Variants in ECE1 observed in about 807,000 individuals in gnomAD.
The protein encoded by ECE1 is endothelin converting enzyme 1, also known as endothelin-converting enzyme 1.
ECE1 carries 35 observed loss-of-function variants against 98.6 expected under a neutral mutation model. That is an observed-to-expected ratio of 0.35 (90% CI 0.27 to 0.47). ECE1 has a LOEUF of 0.47. ECE1 is among the 20% of genes least tolerant of loss of function. The pLI is 1.00. For synonymous variants in ECE1, 394 were observed against 407.1 expected (o/e 0.97, Z 0.39); for missense variants, 814 against 1,025.3 (o/e 0.79, Z 2.81).
At chr1:21,330,448 C>G (rs61781578) in intron 1 of ECE1, among the ~76,000 whole-genome samples, 10,900 of 151,892 alleles carry the variant, frequency 0.072, 525 homozygotes, top group Middle Eastern at 0.11. Flanking sequence ...CCAGACTGGT[C>G]TCGAACTCCT....
Position 21,322,567 on chromosome 1 carries a change from T to C in ECE1, c.3+22809A>G, listed in dbSNP as rs1638988337. Among the ~76,000 whole-genome samples, 1 of 152,194 alleles carries C rather than the reference T, an allele frequency of 6.6e-6. No homozygotes were observed. The highest frequency in any genetic ancestry group is 1.5e-5 in the Non-Finnish European group (1 of 68,026). On this transcript the variant is annotated intron_variant, in intron 1 of 18. Coordinates refer to the ECE1 transcript ENST00000415912. This position sits in a 1 kb window ranked among gnomAD's most constrained non-coding sequence, Gnocchi z 4.1. ...GTCACACTCCAGGGCCCCAGGCCTG[T>C]GACCAAAATGGCAGTGCCACTGCTG...
Position 21,307,265 on chromosome 1 carries a change from G to C in ECE1, c.4-17109C>G, listed in dbSNP as rs191094877. ...CACTTTTGCTCTTCACAGCGACTCT[G>C]GGGGGCTGGAGCTAGCATCTCCACA... On this transcript the variant is annotated intron_variant, in intron 1 of 18. Transcript: ENST00000415912. The surrounding 1 kb of genome is among the most constrained non-coding windows in gnomAD (Gnocchi z 4.2). Among the ~76,000 whole-genome samples, 1 of 152,196 alleles carries C rather than the reference G, an allele frequency of 6.6e-6. No individual in the cohort carries two copies. The highest frequency in any genetic ancestry group is 2.4e-5 in the African/African-American group (1 of 41,454).
intron 14 of ECE1, among the ~76,000 whole-genome samples, chr1:21,230,384 C>T (rs958316357): frequency 1.1e-4 from 17 of 152,048 alleles, no homozygotes; most frequent in African/African-American, 3.9e-4. Context: ...GGCAAGAATT[C>T]TCTTTTTTTT....
intron 1 of ECE1, among the ~76,000 whole-genome samples, chr1:21,325,991 G>A (rs748167515): frequency 7.9e-5 from 12 of 152,152 alleles, no homozygotes; most frequent in African/African-American, 1.7e-4. Flanking sequence ...TTTCCACAAC[G>A]GAGCTCCCGG....
chr1:21,226,828 C>T (rs546008934), intron 16 of ECE1, among the ~76,000 whole-genome samples: 99 of 152,268 alleles, frequency 6.5e-4, no homozygotes, highest in South Asian at 1.0e-3. Context: ...CAGATTCAAA[C>T]GATTTTCCTG....
rs150644074 is a variant in ECE1 at position 21,260,338 on chromosome 1, C to A, written c.548G>T (p.Arg183Leu). 1.1e-5 allele frequency: 18 copies of A among 1,614,262 alleles called. No individual in the cohort carries two copies. Among genetic ancestry groups the A allele is most frequent in the Non-Finnish European group, 1.4e-5 (17 of 1,180,056 alleles). Residue 183 changes from arginine (R) to leucine (L), a missense_variant, in exon 5 of 19, where the codon CGT (arginine) becomes CTT (leucine). By Grantham distance (102) the Arg-to-Leu change is moderately radical. Around this residue, in one of 3 missense-constraint regions of ECE1, gnomAD observed 257 missense variants for 278.9 expected, o/e 0.92. Coordinates refer to ENST00000374893, the MANE Select transcript of ECE1 (RefSeq NM_001397.3). This position sits in a 1 kb window ranked among gnomAD's most constrained non-coding sequence, Gnocchi z 4.3. Reference protein sequence around the residue: ...EAERKAQVYYRACMNETRIEE... With the variant: ...EAERKAQVYYLACMNETRIEE... ...GATCCTGGTCTCGTTCATGCACGCA[C>A]GGTAGTATACTTGCGCCTTTCTCTC...
intron 8 of ECE1, among the ~76,000 whole-genome samples, chr1:21,252,592 T>C (rs2098214196): frequency 6.6e-6 from 1 of 152,362 alleles, no homozygotes; most frequent in Non-Finnish European, 1.5e-5. Context: ...GGGAAGGTCC[T>C]CAGGCCCCCA....
intron 4 of ECE1, among the ~76,000 whole-genome samples, chr1:21,270,185 A>G (rs796853068): frequency 4.6e-5 from 7 of 152,370 alleles, no homozygotes; most frequent in African/African-American, 1.4e-4. Flanking sequence ...GACTGGTGGT[A>G]TATCCTTGAC....
chr1:21,303,903 G>T (rs892665136), intron 1 of ECE1, among the ~76,000 whole-genome samples: 1 of 151,774 alleles, frequency 6.6e-6, no homozygotes, highest in Non-Finnish European at 1.5e-5. Context: ...TGCCTGCCTC[G>T]ACCTCCCAAA....
At chr1:21,279,056 G>C (rs1200963076) in intron 3 of ECE1, 135 bp downstream of exon 3, 6 of 1,475,068 alleles carry the variant, frequency 4.1e-6, no homozygotes, top group Non-Finnish European at 5.6e-6. Flanking sequence ...TCAGCACCCA[G>C]ACCCCCCTGG....
At chr1:21,328,764 GAAAAA>G (rs35883969) in intron 1 of ECE1, among the ~76,000 whole-genome samples, 5 of 50,226 alleles carry the variant, frequency 1.0e-4, no homozygotes, top group Non-Finnish European at 2.0e-4. Flanking sequence ...CCTCCATCTC[GAAAAA>G]AAAAAAAAAA....
At chr1:21,283,201 TC>T (rs2098256876) in intron 2 of ECE1, among the ~76,000 whole-genome samples, 2 of 152,166 alleles carry the variant, frequency 1.3e-5, no homozygotes, top group Admixed American at 6.5e-5. Context: ...CGCCTTGGCC[TC>T]CCAAAATGCT....
At position 21,233,540 on chromosome 1, in the gene ECE1, G is replaced by T. The variant is rs758758889; in HGVS notation, c.1670+18C>A. On this transcript the variant is annotated intron_variant, in intron 14 of 18. Transcript: ENST00000374893. This position sits in a 1 kb window ranked among gnomAD's most constrained non-coding sequence, Gnocchi z 4.0. ...GTGGGGAGCTGGCACCTTGCCGGCA[G>T]GGCCTGGGGGAACTCACTGATCTCT... 9 of 1,611,460 alleles carry T rather than the reference G, an allele frequency of 5.6e-6. No individual in the cohort carries two copies.
At chr1:21,264,401 G>A (rs541492313) in intron 4 of ECE1, among the ~76,000 whole-genome samples, 11 of 146,214 alleles carry the variant, frequency 7.5e-5, no homozygotes, top group South Asian at 2.3e-4. Context: ...TGCAACCTCC[G>A]TCTCCTGGGT....
chr1:21,232,288 G>GT (rs1179108389), intron 14 of ECE1, among the ~76,000 whole-genome samples: 1,876 of 147,412 alleles, frequency 0.013, 33 homozygotes, highest in African/African-American at 0.041. Flanking sequence ...TGAGGAGACA[G>GT]TTTTTTTTTT....
chr1:21,227,923 C>A lies in ECE1; in HGVS notation c.1781+8G>T. 1 of 1,550,260 alleles carries A rather than the reference C, an allele frequency of 6.5e-7. No homozygotes were observed. Among genetic ancestry groups the A allele is most frequent in the East Asian group, 2.4e-5 (1 of 40,898 alleles). On this transcript the variant is annotated splice_region_variant and intron_variant, in intron 15 of 18. Coordinates refer to ENST00000374893, the MANE Select transcript of ECE1 (RefSeq NM_001397.3). ...AGAATTGGGGTAGGGGCCCCAGAGG[C>A]AGCCTACTTGGGTGAGGAGCGTGTG...
At chr1:21,249,614 C>G (rs139475111) in intron 8 of ECE1, among the ~76,000 whole-genome samples, 1 of 151,828 alleles carries the variant, frequency 6.6e-6, no homozygotes, top group African/African-American at 2.4e-5. Context: ...CCTGGGAGGT[C>G]GAGGCTGCAG....
chr1:21,242,994 T>C (rs1314244080), intron 10 of ECE1, among the ~76,000 whole-genome samples: 6 of 152,236 alleles, frequency 3.9e-5, no homozygotes, highest in African/African-American at 1.4e-4. Flanking sequence ...CATTAAACAA[T>C]AATTCCTCAT....
Position 21,218,233 on chromosome 1 carries a change from C to G in ECE1, c.*1722G>C, listed in dbSNP as rs572824728. The stretch of plus-strand genomic sequence containing the variant: ...AGCTGCAAGTACTATCTTGATTCAA[C>G]CCAGGGGCCGACAATGGACTGCAGC... On this transcript the variant is annotated 3_prime_UTR_variant, in exon 19 of 19. Coordinates refer to ENST00000374893, the MANE Select transcript of ECE1 (RefSeq NM_001397.3). This position sits in a 1 kb window ranked among gnomAD's most constrained non-coding sequence, Gnocchi z 4.0. 1.8e-4 allele frequency: 28 copies of G among 152,440 alleles called. No individual in the cohort carries two copies. The highest frequency in any genetic ancestry group is 6.5e-4 in the African/African-American group (27 of 41,588). The allele number at this position is 152,440 out of a possible 1,614,324, so 9.4% of individuals were successfully genotyped here. A position where few individuals can be genotyped will look rare whatever the true frequency, so the allele number is the denominator to read the frequency against.
Sources: gnomAD v4.1 joint callset for allele counts (sites outside exome capture counted in the v4.1 genomes callset) on GRCh38, gnomAD v4.1.1 for gene constraint, gnomAD v4.1.1 regional missense constraint, Gnocchi (gnomAD v3.1) non-coding constraint, MANE v1.5 for transcripts, NCBI Gene and HGNC (gene_info 2026-07-23, HGNC 2026-07-21) for gene names.